The following VWA3A variants were observed in gnomAD, a reference collection of about 807,000 sequenced individuals.
The protein encoded by VWA3A is von Willebrand factor A domain containing 3A.
VWA3A carries 134 observed loss-of-function variants against 160.4 expected under a neutral mutation model. That is an observed-to-expected ratio of 0.84 (90% CI 0.73 to 0.96). The LOEUF is 0.96. Among genes scored for constraint, VWA3A ranks in the 40% least tolerant of loss-of-function variants. The pLI, the probability that VWA3A is intolerant of heterozygous loss-of-function variation, is 0.00. For missense variants in VWA3A, 1,310 were observed against 1,447.9 expected (o/e 0.90, Z 1.55); for synonymous variants, 476 against 543.4 (o/e 0.88, Z 1.72).
rs1041601125 is a variant in VWA3A at position 22,121,035 on chromosome 16, C to T, written c.1184C>T (p.Pro395Leu). The T allele has an allele frequency of 1.7e-5, 27 of 1,613,862 alleles. No homozygotes were observed. The highest frequency in any genetic ancestry group is 2.3e-5 in the Non-Finnish European group (27 of 1,179,896). ...CCTAAACCCCCAAAGCATGACGCTC[C>T]TCTCACCATTGAGTTTCCAAACTTG... ...LLPKPPKHDA[P>L]LTIEFPNLDK... Residue 395 changes from proline (P) to leucine (L), a missense_variant, in exon 13 of 34, where the codon CCT becomes CTT. Physicochemically the swap from Pro to Leu is moderately conservative, Grantham distance 98. Transcript: ENST00000389398.
chr16:22,110,984 A>G lies in VWA3A; in HGVS notation c.679A>G (p.Ser227Gly). Residue 227 changes from serine to glycine, a missense_variant, in exon 8 of 34, where the codon AGC becomes GGC. By Grantham distance (56) the Ser-to-Gly change is moderately conservative. Coordinates refer to ENST00000389398, the MANE Select transcript of VWA3A (RefSeq NM_173615.5). The stretch of plus-strand genomic sequence containing the variant: ...CCTCTGGCCAGACCCCATGGAAGTC[A>G]GCGCCTCCACGTGAGTGGCTTTCCT... ...GSLWPDPMEV[S>G]ASTLQELKLW... 1.2e-6 allele frequency: 2 copies of G among 1,606,944 alleles called. No individual in the cohort carries two copies. Among genetic ancestry groups the G allele is most frequent in the Non-Finnish European group, 1.7e-6 (2 of 1,176,804 alleles).
At chr16:22,133,815 T>C (rs749675) in intron 20 of VWA3A, among the ~76,000 whole-genome samples, 79,497 of 151,806 alleles carry the variant, frequency 0.52, 25,190 homozygotes, top group African/African-American at 0.87. Flanking sequence ...GATTCTGCCT[T>C]TACAAAAAAA....
chr16:22,095,186 A>G (rs906572372), intron 1 of VWA3A, among the ~76,000 whole-genome samples: 5 of 152,196 alleles, frequency 3.3e-5, no homozygotes. Flanking sequence ...GTCTGTATAA[A>G]ACAAAGGAAA....
chr16:22,131,481 C>G, intron 18 of VWA3A, 104 bp from the exon 19 acceptor site: 1 of 1,530,422 alleles, frequency 6.5e-7, no homozygotes, highest in Non-Finnish European at 8.8e-7. Flanking sequence ...GTGATGACAT[C>G]GACTCCATCA....
At chr16:22,140,608 C>CTTT (rs1162326276) in intron 23 of VWA3A, among the ~76,000 whole-genome samples, 1 of 134,528 alleles carries the variant, frequency 7.4e-6, no homozygotes, top group African/African-American at 2.7e-5. Flanking sequence ...CCTGTCTCTA[C>CTTT]TTTTTTTTTT....
Position 22,123,071 on chromosome 16 carries a change from A to T in VWA3A, c.1357-14A>T, listed in dbSNP as rs748990683. 1 of 1,588,994 alleles carries T rather than the reference A, an allele frequency of 6.3e-7. No homozygotes were observed. Among genetic ancestry groups the T allele is most frequent in the Non-Finnish European group, 8.6e-7 (1 of 1,166,526 alleles). ...TGTTCGCCTGCTCACCCTCCTGCCC[A>T]TGCCTGAGTATAGAAGGCAATGATA... On this transcript the variant is annotated splice_polypyrimidine_tract_variant and intron_variant, in intron 14 of 33. Coordinates refer to ENST00000389398, the MANE Select transcript of VWA3A (RefSeq NM_173615.5).
rs1230595462 is a variant in VWA3A, at chr16:22,100,289, T to C, written c.321T>C (p.Ala107=). Residue 107 remains alanine, a synonymous_variant, in exon 4 of 34, where the codon GCT becomes GCC. Transcript: ENST00000389398. ...TAAAATGTCAGAAACTCACCTTGGC[T>C]GACCTGATAAGCCAGGGCACAGAAG... The part of the protein sequence containing the change: ...HSLKCQKLTL[A]DLISQGTEVL... The C allele has an allele frequency of 6.4e-7, 1 of 1,551,474 alleles. No homozygotes were observed. The highest frequency in any genetic ancestry group is 8.7e-7 in the Non-Finnish European group (1 of 1,146,980).
rs1373828611 is a variant in VWA3A at position 22,127,627 on chromosome 16, TA to T, written c.1652+1335del. ...CAGTCATTCCTTAATAAACTCTATA[TA>T]AAAATATTTATGGTAACATTATAGA... On this transcript the variant is annotated intron_variant, in intron 17 of 33. Coordinates refer to ENST00000389398, the MANE Select transcript of VWA3A (RefSeq NM_173615.5). 4.6e-5 allele frequency among the ~76,000 whole-genome samples: 7 copies of T among 152,178 alleles called. No homozygotes were observed. The East Asian group carries it at 9.6e-4, about 21-fold the overall frequency.
chr16:22,121,084 T>G lies in VWA3A; in HGVS notation c.1233T>G (p.Leu411=). The change falls in exon 13 of 34, where the codon CTT becomes CTG. Residue 411 remains leucine (L), a synonymous_variant. Coordinates refer to ENST00000389398, the MANE Select transcript of VWA3A (RefSeq NM_173615.5). ...PNLDKTSAEW[L]KVNGLKAKKL... ...TGGACAAGACTTCTGCAGAGTGGCT[T>G]AAGGTCAATGGTCTGAAAGGTAAAT... 1.2e-6 allele frequency: 2 copies of G among 1,613,876 alleles called. No individual in the cohort carries two copies. The highest frequency in any genetic ancestry group is 1.7e-6 in the Non-Finnish European group (2 of 1,179,858).
At chr16:22,146,086 C>T (rs534304185) in intron 26 of VWA3A, 150 bp from the exon 27 acceptor site, 53 of 605,956 alleles carry the variant, frequency 8.7e-5, no homozygotes, top group East Asian at 5.5e-4. Context: ...CCTCCCAAAG[C>T]GCTGGGATTA....
rs2141823555 is a variant in VWA3A, at chr16:22,095,933, G to GT, written c.15-920dup. Among the ~76,000 whole-genome samples the GT allele has an allele frequency of 2.0e-5, 3 of 152,170 alleles. No homozygotes were observed. The South Asian group carries it at 6.2e-4, about 32-fold the overall frequency. On this transcript the variant is annotated intron_variant, in intron 1 of 33. Coordinates refer to ENST00000389398, the MANE Select transcript of VWA3A (RefSeq NM_173615.5). ...CCACAATTTGTAATTATTTTATTTA[G>GT]TTTTTTAATATCAGTCTCCCCCTCT...
At position 22,134,434 on chromosome 16, in the gene VWA3A, A is replaced by G; in HGVS notation, c.2135A>G (p.Gln712Arg). 6.3e-7 allele frequency: 1 copy of G among 1,589,868 alleles called. No homozygotes were observed. Among genetic ancestry groups the G allele is most frequent in the Non-Finnish European group, 8.6e-7 (1 of 1,167,226 alleles). The change falls in exon 21 of 34, where the codon CAA becomes CGA. Residue 712 changes from glutamine (Q) to arginine (R), a missense_variant. Gln to Arg is a conservative substitution (Grantham distance 43, BLOSUM62 1). Transcript: ENST00000389398. ...SEMEKALNYS[Q>R]KCAFLMASLK... ...ATGGAAAAGGCTCTCAACTACTCCCAAAAGGTATGCCCTGGGCATGGGCCA... is the reference window on the plus strand; with the variant it reads ...ATGGAAAAGGCTCTCAACTACTCCCGAAAGGTATGCCCTGGGCATGGGCCA...
In VWA3A at chr16:22,115,415, TGAA is replaced by T. The variant is rs749713440; in HGVS notation, c.764_766del (p.Lys255del). 9.2e-5 allele frequency: 148 copies of T among 1,605,542 alleles called. No individual in the cohort carries two copies. Among genetic ancestry groups the T allele is most frequent in the Non-Finnish European group, 1.2e-4 (137 of 1,176,182 alleles). Reference sequence around the variant, plus strand: ...GGAGGCAGCAACCTGCTACAAGCTCTGAAGAAGATCTTCACTCTCAAGGGACTG... The same window carrying T: ...GGAGGCAGCAACCTGCTACAAGCTCTGAAGATCTTCACTCTCAAGGGACTG... On this transcript the variant is annotated inframe_deletion, in exon 9 of 34. Coordinates refer to ENST00000389398, the MANE Select transcript of VWA3A (RefSeq NM_173615.5).
intron 22 of VWA3A, among the ~76,000 whole-genome samples, 196 bp from the exon 23 acceptor site, chr16:22,139,958 C>G (rs758079119): frequency 3.9e-5 from 6 of 152,166 alleles, no homozygotes; most frequent in Non-Finnish European, 8.8e-5. Context: ...CATGTACACA[C>G]CCATACTTTT....
rs778736253 is a variant in VWA3A, at chr16:22,099,181, G to A, written c.226-1013G>A. 2.0e-5 allele frequency among the ~76,000 whole-genome samples: 3 copies of A among 152,100 alleles called. No homozygotes were observed. In the South Asian group the frequency reaches 6.2e-4, roughly 32 times the overall value. On this transcript the variant is annotated intron_variant, in intron 3 of 33. Transcript: ENST00000389398. Reference sequence around the variant, plus strand: ...AAAGGTGAGAAGAGTGACATCTAGTGTCCATGTGATAGAGAGCTGTATTTC... The same window carrying A: ...AAAGGTGAGAAGAGTGACATCTAGTATCCATGTGATAGAGAGCTGTATTTC...
chr16:22,144,198 A>G (rs1276024696), intron 25 of VWA3A, 49 bp from the exon 26 acceptor site: 1 of 1,556,156 alleles, frequency 6.4e-7, no homozygotes, highest in Non-Finnish European at 8.7e-7. Context: ...ATGATCATTC[A>G]GTTGAGTCTG....
chr16:22,132,276 G>A (rs1212070447), intron 19 of VWA3A, among the ~76,000 whole-genome samples: 2 of 151,876 alleles, frequency 1.3e-5, no homozygotes, highest in Non-Finnish European at 2.9e-5. Context: ...CCAGCTACTC[G>A]GGAGGCTGAG....
chr16:22,122,383 G>T (rs1212882601), intron 14 of VWA3A, among the ~76,000 whole-genome samples: 1 of 151,864 alleles, frequency 6.6e-6, no homozygotes, highest in Non-Finnish European at 1.5e-5. Flanking sequence ...AAGGGAAAAT[G>T]GAAGGATAGA....
At chr16:22,096,480 G>A (rs2045323940) in intron 1 of VWA3A, among the ~76,000 whole-genome samples, 1 of 152,008 alleles carries the variant, frequency 6.6e-6, no homozygotes, top group Non-Finnish European at 1.5e-5. Flanking sequence ...AAAATGGCCG[G>A]GCGTGGTGAC....
Sources: gnomAD v4.1 joint callset for allele counts (sites outside exome capture counted in the v4.1 genomes callset) on GRCh38, gnomAD v4.1.1 for gene constraint, MANE v1.5 for transcripts, NCBI Gene and HGNC (gene_info 2026-07-23, HGNC 2026-07-21) for gene names.